The following ETV1 variants were observed in gnomAD, a reference collection of about 807,000 sequenced individuals.
The protein encoded by ETV1 is ETS translocation variant 1.
A neutral mutation model predicts 62.3 loss-of-function variants in ETV1; 27 were observed. That is an observed-to-expected ratio of 0.43 (90% CI 0.32 to 0.60). ETV1 has a LOEUF of 0.60. Ranked by LOEUF, ETV1 falls within the 20% of genes least tolerant of loss-of-function variation. The probability of loss-of-function intolerance (pLI) is 0.06; values close to 1 mark genes in which losing one functional copy is unlikely to be tolerated. For missense variants in ETV1, 605 were observed against 605.8 expected, an observed-to-expected ratio of 1.00 and a Z score of 0.01; for synonymous variants, 222 against 199.6, an observed-to-expected ratio of 1.11 and a Z score of -0.94.
intron 11 of ETV1, among the ~76,000 whole-genome samples, chr7:13,908,801 C>A (rs1413381239): frequency 6.6e-6 from 1 of 151,960 alleles, no homozygotes. Context: ...AGAGAGCACC[C>A]AAGTCATTAT....
chr7:13,891,538 C>A lies in ETV1; in HGVS notation c.*4328G>T, dbSNP rs951806949. 1 of 231,290 alleles carries A rather than the reference C, an allele frequency of 4.3e-6. No homozygotes were observed. The allele number at this position is 231,290 out of a possible 1,614,324, so 14.3% of individuals were successfully genotyped here. ...TATAAAGATATCCACTTAGTCTAAT[C>A]AAATTCTCCTCTTAAACTGTACTTT... On this transcript the variant is annotated 3_prime_UTR_variant, in exon 14 of 14. Coordinates refer to ENST00000430479, the MANE Select transcript of ETV1 (RefSeq NM_004956.5).
chr7:13,895,746 G>T lies in ETV1; in HGVS notation c.*120C>A. ...AATGCAACAGGAAAAGCCCCTTTTT[G>T]TGTATTATTATTTAAAAATAAAATA... is the stretch of plus-strand genomic sequence containing the variant. On this transcript the variant is annotated 3_prime_UTR_variant, in exon 14 of 14. Transcript: ENST00000430479. The T allele has an allele frequency of 1.4e-5, 10 of 734,300 alleles. No homozygotes were observed. In the Admixed American group the frequency reaches 1.4e-4, roughly 10 times the overall value. The allele number at this position is 734,300 out of a possible 1,614,324, so 45.5% of individuals were successfully genotyped here.
At chr7:13,938,477 A>G (rs1583706675) in intron 7 of ETV1, among the ~76,000 whole-genome samples, 1 of 152,212 alleles carries the variant, frequency 6.6e-6, no homozygotes, top group Non-Finnish European at 1.5e-5. Flanking sequence ...AGAGACAGCC[A>G]ACTTTTTCTT....
At chr7:13,984,475 CA>C (rs978458853) in intron 5 of ETV1, among the ~76,000 whole-genome samples, 22 of 149,578 alleles carry the variant, frequency 1.5e-4, no homozygotes, top group Non-Finnish European at 2.7e-4. Context: ...TTTCTCAAAA[CA>C]AAAAAAAAGT....
In ETV1 at chr7:13,892,765, G is replaced by A. The variant is rs1781468811; in HGVS notation, c.*3101C>T. The A allele has an allele frequency of 4.3e-6, 1 of 232,306 alleles. No homozygotes were observed. Among genetic ancestry groups the A allele is most frequent in the African/African-American group, 2.2e-5 (1 of 45,296 alleles). 14.4% of individuals were successfully genotyped at this position (232,306 alleles called of 1,614,324 possible). A position where few individuals can be genotyped will look rare whatever the true frequency, so the allele number is the denominator to read the frequency against. Reference sequence around the variant, plus strand: ...AGAAGAGTATGTGACCATGGAAGCAGAGATTGAAGTGATGTAGCCAGGAGC... The same window carrying A: ...AGAAGAGTATGTGACCATGGAAGCAAAGATTGAAGTGATGTAGCCAGGAGC... On this transcript the variant is annotated 3_prime_UTR_variant, in exon 14 of 14. Coordinates refer to ENST00000430479, the MANE Select transcript of ETV1 (RefSeq NM_004956.5).
chr7:13,909,431 C>T (rs1783331990), intron 11 of ETV1, among the ~76,000 whole-genome samples: 1 of 152,152 alleles, frequency 6.6e-6, no homozygotes. Flanking sequence ...AATGAACTCC[C>T]TCCTAACACA....
chr7:13,959,405 T>C (rs1010704662), intron 6 of ETV1, among the ~76,000 whole-genome samples: 10 of 152,158 alleles, frequency 6.6e-5, no homozygotes, highest in Non-Finnish European at 1.5e-4. Context: ...TTCCCCTTCT[T>C]CCATACTTCA....
intron 6 of ETV1, among the ~76,000 whole-genome samples, chr7:13,964,445 A>AG (rs544932221): frequency 1.5e-4 from 23 of 152,128 alleles, no homozygotes; most frequent in Non-Finnish European, 2.9e-4. Flanking sequence ...AAATGGAAAA[A>AG]GGGGGGCACA....
intron 4 of ETV1, 38 bp from the exon 5 acceptor site, chr7:13,986,723 A>G: frequency 6.8e-7 from 1 of 1,463,574 alleles, no homozygotes; most frequent in Non-Finnish European, 9.5e-7. Context: ...TAAGATTTGC[A>G]AATCTTTAAT....
At chr7:13,980,432 T>A (rs1208042648) in intron 5 of ETV1, among the ~76,000 whole-genome samples, 1 of 152,080 alleles carries the variant, frequency 6.6e-6, no homozygotes, top group African/African-American at 2.4e-5. Context: ...AGTTGAAAAT[T>A]AACAATAGAG....
chr7:13,954,047 T>G (rs913776918), intron 6 of ETV1, among the ~76,000 whole-genome samples: 69 of 152,312 alleles, frequency 4.5e-4, no homozygotes, highest in African/African-American at 1.5e-3. Flanking sequence ...AAATTAATAT[T>G]GCATTGCCAT....
intron 9 of ETV1, among the ~76,000 whole-genome samples, chr7:13,925,492 T>C (rs1785304646): frequency 6.6e-6 from 1 of 152,124 alleles, no homozygotes; most frequent in Non-Finnish European, 1.5e-5. Flanking sequence ...GACTATAACA[T>C]CATTTACTTG....
Position 13,892,297 on chromosome 7 carries a change from G to A in ETV1, c.*3569C>T, listed in dbSNP as rs1002341363. Reference sequence around the variant, plus strand: ...ATGACTTAGTGTTTTCCTGGGGGCTGGGGAAGGATTTGAATAATCTAAAGG... The same window carrying A: ...ATGACTTAGTGTTTTCCTGGGGGCTAGGGAAGGATTTGAATAATCTAAAGG... On this transcript the variant is annotated 3_prime_UTR_variant, in exon 14 of 14. Transcript: ENST00000430479. The A allele has an allele frequency of 1.3e-5, 3 of 232,466 alleles. No individual in the cohort carries two copies. The highest frequency in any genetic ancestry group is 6.6e-5 in the African/African-American group (3 of 45,260). The allele number at this position is 232,466 out of a possible 1,614,324, so 14.4% of individuals were successfully genotyped here.
At chr7:13,918,986 T>C (rs1204234080) in intron 9 of ETV1, among the ~76,000 whole-genome samples, 2 of 151,988 alleles carry the variant, frequency 1.3e-5, no homozygotes, top group Non-Finnish European at 2.9e-5. Flanking sequence ...TAGCCCCAAA[T>C]ACTGTACTTT....
At position 13,895,580 on chromosome 7, in the gene ETV1, C is replaced by A; in HGVS notation, c.*286G>T. 2.6e-6 allele frequency: 1 copy of A among 388,490 alleles called. No homozygotes were observed. Among genetic ancestry groups the A allele is most frequent in the East Asian group, 3.7e-5 (1 of 26,936 alleles). The allele number at this position is 388,490 out of a possible 1,614,324, so 24.1% of individuals were successfully genotyped here. The stretch of plus-strand genomic sequence containing the variant: ...TCATCATACTCAAAACTTGTAGGAC[C>A]CCATCCCAAGCCTAAGTAAAAAGTA... On this transcript the variant is annotated 3_prime_UTR_variant, in exon 14 of 14. Coordinates refer to ENST00000430479, the MANE Select transcript of ETV1 (RefSeq NM_004956.5).
At chr7:13,986,186 A>T in intron 5 of ETV1, 1 of 1,588,206 alleles carries the variant, frequency 6.3e-7, no homozygotes, top group Non-Finnish European at 8.6e-7. Flanking sequence ...TCCCGTCCTG[A>T]TGAACCCAGA....
intron 9 of ETV1, among the ~76,000 whole-genome samples, chr7:13,919,475 G>A (rs1043717950): frequency 3.7e-5 from 5 of 134,776 alleles, no homozygotes; most frequent in African/African-American, 1.3e-4. Flanking sequence ...TGTTCTTTTG[G>A]TTTTTTTTTT....
intron 2 of ETV1, 25 bp from the exon 3 acceptor site, chr7:13,989,164 A>G: frequency 1.2e-6 from 1 of 834,594 alleles, no homozygotes; most frequent in Non-Finnish European, 1.8e-6. Context: ...GATGGCTTTT[A>G]GGCTTAAAAA....
At chr7:13,967,126 G>A (rs1423124230) in intron 6 of ETV1, among the ~76,000 whole-genome samples, 4 of 151,990 alleles carry the variant, frequency 2.6e-5, no homozygotes, top group Admixed American at 6.6e-5. Flanking sequence ...TAATGGATAC[G>A]GATCTCATTT....
Sources: allele counts gnomAD v4.1 joint callset (sites outside exome capture counted in the v4.1 genomes callset), GRCh38; gene constraint gnomAD v4.1.1; transcripts MANE v1.5; gene names NCBI Gene and HGNC (gene_info 2026-07-23, HGNC 2026-07-21).